Variants in WDR89 observed in about 807,000 individuals in gnomAD.
WDR89 encodes the protein WD repeat-containing protein 89.
In WDR89, 17 loss-of-function variants were observed where a neutral mutation model predicts 29.1. That is an observed-to-expected ratio of 0.58 (90% CI 0.40 to 0.88). WDR89 has a LOEUF of 0.88. Ranked by LOEUF, WDR89 falls within the 40% of genes least tolerant of loss-of-function variation. The pLI is 0.00. For missense variants in WDR89, 396 were observed against 456.3 expected, an observed-to-expected ratio of 0.87 and a Z score of 1.20; for synonymous variants, 138 against 157.8, an observed-to-expected ratio of 0.87 and a Z score of 0.94.
In WDR89 at chr14:63,599,915, T is replaced by C; in HGVS notation, c.28A>G (p.Asn10Asp). ...AAGGAACATTTAACAATGTGCAGATTAGCAAATTGTTCCTCAATCTTTTCC... is the reference window on the plus strand; with the variant it reads ...AAGGAACATTTAACAATGTGCAGATCAGCAAATTGTTCCTCAATCTTTTCC... MEKIEEQFANLHIVKCSLGT... is the reference protein window; with the variant it reads MEKIEEQFADLHIVKCSLGT... The change falls in exon 3 of 3, where the codon AAT (asparagine) becomes GAT (aspartate). Residue 10 changes from asparagine (N) to aspartate (D), a missense_variant. Transcript: ENST00000620954. 1 of 1,603,700 alleles carries C rather than the reference T, an allele frequency of 6.2e-7. No homozygotes were observed. Among genetic ancestry groups the C allele is most frequent in the Non-Finnish European group, 8.5e-7 (1 of 1,173,030 alleles).
Position 63,606,339 on chromosome 14 carries a change from A to G in WDR89, c.-31-6366T>C, listed in dbSNP as rs114920763. ...GTAGAAATAGGCTTATGGAATAAGG[A>G]TATATGAAGAAAATATTTTTGTACA... is the stretch of plus-strand genomic sequence containing the variant. On this transcript the variant is annotated intron_variant, in intron 2 of 2. Transcript: ENST00000620954. 4.4e-3 allele frequency among the ~76,000 whole-genome samples: 670 copies of G among 152,336 alleles called. 4 individuals are homozygous for G. Among genetic ancestry groups the G allele is most frequent in the African/African-American group, 0.015 (637 of 41,578 alleles).
At chr14:63,605,211 T>TACACACACACACACACACACAC (rs200461481) in intron 2 of WDR89, among the ~76,000 whole-genome samples, 1 of 102,430 alleles carries the variant, frequency 9.8e-6, no homozygotes, top group African/African-American at 2.8e-5. Context: ...TACATACACA[T>TACACACACACACACACACACAC]ACACACACAC....
chr14:63,627,150 A>ACACACACACACT (rs1433982075), intron 1 of WDR89, among the ~76,000 whole-genome samples: 13 of 127,186 alleles, frequency 1.0e-4, no homozygotes, highest in African/African-American at 3.8e-4. Flanking sequence ...ACACACACAC[A>ACACACACACACT]CTCTCTCTCT....
chr14:63,628,491 GTGA>G (rs900339508), intron 1 of WDR89, among the ~76,000 whole-genome samples: 1 of 152,146 alleles, frequency 6.6e-6, no homozygotes, highest in African/African-American at 2.4e-5. Context: ...GGTATGTAAC[GTGA>G]TGATAATAGA....
At chr14:63,625,542 A>G (rs868442182) in intron 1 of WDR89, among the ~76,000 whole-genome samples, 3 of 152,196 alleles carry the variant, frequency 2.0e-5, no homozygotes, top group Non-Finnish European at 4.4e-5. Flanking sequence ...AACAAAACAT[A>G]AAAAGTCATA....
intron 1 of WDR89, among the ~76,000 whole-genome samples, chr14:63,631,477 C>T (rs1883402215): frequency 6.6e-6 from 1 of 151,974 alleles, no homozygotes. Flanking sequence ...GCAATCGTGC[C>T]ACCTCAGCCT....
chr14:63,599,400 G>A lies in WDR89; in HGVS notation c.543C>T (p.Ser181=). Residue 181 remains serine (S), a synonymous_variant, in exon 3 of 3, where the codon AGC becomes AGT. Coordinates refer to ENST00000620954, the MANE Select transcript of WDR89 (RefSeq NM_080666.4). Reference sequence around the variant, plus strand: ...AACCTGAGACTACCATGTTGGGATTGCTGGGATGGAAACGTACTTGAGTGA... The same window carrying A: ...AACCTGAGACTACCATGTTGGGATTACTGGGATGGAAACGTACTTGAGTGA... The part of the protein sequence containing the change: ...DDVTQVRFHP[S]NPNMVVSGSS... The A allele has an allele frequency of 1.2e-6, 2 of 1,614,158 alleles. No individual in the cohort carries two copies. The highest frequency in any genetic ancestry group is 8.5e-7 in the Non-Finnish European group (1 of 1,180,034).
intron 1 of WDR89, among the ~76,000 whole-genome samples, chr14:63,640,724 C>T (rs1884057679): frequency 6.6e-6 from 1 of 151,556 alleles, no homozygotes; most frequent in Non-Finnish European, 1.5e-5. Flanking sequence ...GATCCGCCCG[C>T]CTCGGCCTCC....
chr14:63,606,953 T>C (rs1169214981), intron 2 of WDR89, among the ~76,000 whole-genome samples: 1 of 152,338 alleles, frequency 6.6e-6, no homozygotes, highest in African/African-American at 2.4e-5. Context: ...AATGTTAAGC[T>C]ATTGATCTTC....
chr14:63,601,011 G>C lies in WDR89; in HGVS notation c.-31-1038C>G, dbSNP rs184688726. Among the ~76,000 whole-genome samples the C allele has an allele frequency of 1.4e-4, 21 of 152,214 alleles. No individual in the cohort carries two copies. The East Asian group carries it at 4.1e-3, about 29-fold the overall frequency. On this transcript the variant is annotated intron_variant, in intron 2 of 2. Coordinates refer to ENST00000620954, the MANE Select transcript of WDR89 (RefSeq NM_080666.4). ...TAGAAGAAAGGCAAAGACACAGAGA[G>C]ATACAATGTTGCTGGTTTTGAAGAC...
chr14:63,635,330 A>G (rs1449693098), intron 1 of WDR89, among the ~76,000 whole-genome samples: 4 of 152,214 alleles, frequency 2.6e-5, no homozygotes, highest in African/African-American at 9.6e-5. Flanking sequence ...TAACATACAC[A>G]AGTCAATAAA....
intron 1 of WDR89, among the ~76,000 whole-genome samples, chr14:63,639,115 A>G (rs1284943098): frequency 3.9e-5 from 6 of 152,206 alleles, no homozygotes; most frequent in African/African-American, 7.2e-5. Context: ...AAGCTGAAAA[A>G]GGTAAGGAAA....
chr14:63,605,211 T>C (rs61984032), intron 2 of WDR89, among the ~76,000 whole-genome samples: 75 of 102,534 alleles, frequency 7.3e-4, no homozygotes, highest in South Asian at 1.3e-3. Context: ...TACATACACA[T>C]ACACACACAC....
chr14:63,600,717 C>CAAAAAAAAAAAAAAAA (rs56059698), intron 2 of WDR89, among the ~76,000 whole-genome samples: 5 of 36,208 alleles, frequency 1.4e-4, no homozygotes, highest in African/African-American at 2.9e-4. Context: ...GATATGTAGG[C>CAAAAAAAAAAAAAAAA]AAAAAAAAAA....
intron 1 of WDR89, among the ~76,000 whole-genome samples, chr14:63,628,076 A>G (rs1883181234): frequency 6.6e-6 from 1 of 152,150 alleles, no homozygotes; most frequent in Non-Finnish European, 1.5e-5. Flanking sequence ...TTCTCTACAA[A>G]AAGTTTAAAA....
chr14:63,620,019 A>AAAG (rs1882590838), intron 2 of WDR89, among the ~76,000 whole-genome samples: 1 of 151,580 alleles, frequency 6.6e-6, no homozygotes, highest in African/African-American at 2.4e-5. Context: ...AAAAAAAAAA[A>AAAG]AAAAAGAAAA....
intron 2 of WDR89, among the ~76,000 whole-genome samples, chr14:63,615,469 CA>C (rs997290472): frequency 6.6e-6 from 1 of 151,332 alleles, no homozygotes; most frequent in East Asian, 1.9e-4. Context: ...TTAATAACTG[CA>C]AAAAAAATGA....
intron 2 of WDR89, among the ~76,000 whole-genome samples, chr14:63,619,821 A>G (rs567635305): frequency 7.9e-5 from 12 of 152,180 alleles, no homozygotes; most frequent in African/African-American, 2.6e-4. Flanking sequence ...CCTGGCCAAC[A>G]TAGTGAAACC....
At position 63,617,162 on chromosome 14, in the gene WDR89, C is replaced by T. The variant is rs1372647711; in HGVS notation, c.-32+7766G>A. The stretch of plus-strand genomic sequence containing the variant: ...ATGGCGCGATCTCGGCTCACTACAA[C>T]CTCCACCTCCCAGGTACAAGCGATT... On this transcript the variant is annotated intron_variant, in intron 2 of 2. Coordinates refer to ENST00000620954, the MANE Select transcript of WDR89 (RefSeq NM_080666.4). Among the ~76,000 whole-genome samples, 3 of 149,598 alleles carry T rather than the reference C, an allele frequency of 2.0e-5. No individual in the cohort carries two copies. In the Admixed American group the frequency reaches 2.0e-4, roughly 10 times the overall value.
Sources: gnomAD v4.1 joint callset for allele counts (sites outside exome capture counted in the v4.1 genomes callset) on GRCh38, gnomAD v4.1.1 for gene constraint, MANE v1.5 for transcripts, NCBI Gene and HGNC (gene_info 2026-07-23, HGNC 2026-07-21) for gene names.